ASMTL: variants seen among roughly 807,000 people sequenced by gnomAD.
ASMTL encodes the protein acetylserotonin O-methyltransferase like.
Under a neutral mutation model 60.3 loss-of-function variants are expected in ASMTL, and 57 were observed. The ratio of observed to expected loss-of-function variants is 0.95; its 90% confidence interval spans 0.76 to 1.18. The LOEUF (loss-of-function observed/expected upper bound fraction) is 1.18, where lower values mean the gene tolerates loss of function less well. Ranked by LOEUF, ASMTL falls within the 50% of genes most tolerant of loss-of-function variation. The pLI, the probability that ASMTL is intolerant of heterozygous loss-of-function variation, is 0.00. For synonymous variants in ASMTL, 419 were observed against 373.0 expected (o/e 1.12, Z -1.42); for missense variants, 981 against 852.6 (o/e 1.15, Z -1.88).
intron 1 of ASMTL, among the ~76,000 whole-genome samples, chrX:1,444,940 A>G (rs1206550362): frequency 6.6e-6 from 1 of 151,798 alleles, no homozygotes; most frequent in African/African-American, 2.4e-5. Flanking sequence ...TGCAACAGGT[A>G]TTTCGCTCCC....
intron 11 of ASMTL, among the ~76,000 whole-genome samples, chrX:1,416,666 GCA>G (rs770413325): frequency 7.3e-5 from 11 of 150,886 alleles, no homozygotes; most frequent in African/African-American, 2.4e-4. Flanking sequence ...ACAGAGAGTT[GCA>G]CACACACAAA....
chrX:1,416,954 A>G (rs1259177634), intron 11 of ASMTL, among the ~76,000 whole-genome samples: 2 of 151,986 alleles, frequency 1.3e-5, no homozygotes, highest in African/African-American at 2.4e-5. Flanking sequence ...ACACAGAGAC[A>G]TTCTGACGTA....
At chrX:1,419,237 G>T in intron 9 of ASMTL, 123 bp from the exon 10 acceptor site, 2 of 1,113,754 alleles carry the variant, frequency 1.8e-6, no homozygotes, top group Non-Finnish European at 2.6e-6. Context: ...CCGCGCCTGG[G>T]CTGCAGAGCG....
At chrX:1,428,646 C>CAAATAAATAAATAAATAAAT (rs1229272093) in intron 6 of ASMTL, among the ~76,000 whole-genome samples, 39,282 of 134,058 alleles carry the variant, frequency 0.29, 6,457 homozygotes, top group South Asian at 0.51. Flanking sequence ...GACTCCGTCT[C>CAAATAAATAAATAAATAAAT]AAATAAATAA....
At chrX:1,415,089 C>A (rs1429746552) in intron 11 of ASMTL, among the ~76,000 whole-genome samples, 1 of 151,926 alleles carries the variant, frequency 6.6e-6, no homozygotes, top group African/African-American at 2.4e-5. Context: ...TATAGGCACC[C>A]GCCACCATGC....
chrX:1,432,742 T>G lies in ASMTL; in HGVS notation c.401-365A>C, dbSNP rs1160160375. ...TACTCGGGAGGCTGAGGCAGGAGAA[T>G]CGCTTGAACCCGGGAGGTGCAGGTT... On this transcript the variant is annotated intron_variant, in intron 5 of 12. Coordinates refer to ENST00000381317, the MANE Select transcript of ASMTL (RefSeq NM_004192.4). Among the ~76,000 whole-genome samples, 7 of 151,996 alleles carry G rather than the reference T, an allele frequency of 4.6e-5. No individual in the cohort carries two copies. In the East Asian group the frequency reaches 9.7e-4, roughly 21 times the overall value.
upstream of ASMTL, chrX:1,453,509 A>AAGG (rs1367141898): frequency 6.4e-6 from 1 of 155,234 alleles, no homozygotes; most frequent in Non-Finnish European, 1.4e-5. Context: ...CCGGGGAGGA[A>AAGG]AGGCTGGCGT....
At chrX:1,431,254 T>C (rs2090775225) in intron 6 of ASMTL, among the ~76,000 whole-genome samples, 1 of 127,018 alleles carries the variant, frequency 7.9e-6, no homozygotes, top group Non-Finnish European at 1.6e-5. Flanking sequence ...TAATTATAAA[T>C]ATATGTAATT....
At chrX:1,418,851 A>C in intron 10 of ASMTL, 131 bp downstream of exon 10, 2 of 1,186,786 alleles carry the variant, frequency 1.7e-6, no homozygotes, top group Non-Finnish European at 1.2e-6. Flanking sequence ...TCTGGGACTC[A>C]GCCTGGCCCG....
chrX:1,452,932 T>A, upstream of ASMTL: 2 of 1,044,272 alleles, frequency 1.9e-6, no homozygotes, highest in Non-Finnish European at 2.7e-6. Context: ...GCGGCCAGAG[T>A]CCCGCCTCCG....
At chrX:1,415,911 C>A (rs1200894854) in intron 11 of ASMTL, among the ~76,000 whole-genome samples, 3 of 152,090 alleles carry the variant, frequency 2.0e-5, no homozygotes, top group African/African-American at 7.2e-5. Context: ...CAAAGGCACA[C>A]ATGCAAGCAC....
At chrX:1,414,095 GAGAC>G (rs1219607171) in intron 11 of ASMTL, 1 of 150,690 alleles carries the variant, frequency 6.6e-6, no homozygotes, top group African/African-American at 2.4e-5. Flanking sequence ...GTCCTTCTAA[GAGAC>G]AGAAGAGGAG....
rs1356263983 is a variant in ASMTL at position 1,403,260 on chromosome X, G to A, written c.*9C>T. 3 of 1,609,620 alleles carry A rather than the reference G, an allele frequency of 1.9e-6. No individual in the cohort carries two copies. Among genetic ancestry groups the A allele is most frequent in the Non-Finnish European group, 2.5e-6 (3 of 1,177,962 alleles). On this transcript the variant is annotated 3_prime_UTR_variant, in exon 13 of 13. Transcript: ENST00000381317. Reference sequence around the variant, plus strand: ...AGGACATCCCTATAATGAACATGCTGCCTGGGCTTCAGGGGGCCACTTTGG... The same window carrying A: ...AGGACATCCCTATAATGAACATGCTACCTGGGCTTCAGGGGGCCACTTTGG...
chrX:1,434,956 T>C, intron 5 of ASMTL, 66 bp downstream of exon 5: 1 of 1,571,060 alleles, frequency 6.4e-7, no homozygotes, highest in East Asian at 2.2e-5. Flanking sequence ...AAGCCAAGGG[T>C]CCCGAGAATG....
intron 2 of ASMTL, among the ~76,000 whole-genome samples, chrX:1,441,175 T>A (rs1157027495): frequency 1.3e-5 from 2 of 152,208 alleles, no homozygotes; most frequent in Non-Finnish European, 2.9e-5. Context: ...GATACTATTA[T>A]ATTAATTGCA....
chrX:1,413,987 T>G (rs117878445), intron 11 of ASMTL: 3,453 of 152,096 alleles, frequency 0.023, 145 homozygotes, highest in African/African-American at 0.078. Flanking sequence ...AACCTGGGAA[T>G]GGGACCTCAT....
chrX:1,433,112 T>A, intron 5 of ASMTL, among the ~76,000 whole-genome samples: 1 of 151,268 alleles, frequency 6.6e-6, no homozygotes. Context: ...AAATAAATAA[T>A]AAAAGAAACA....
At chrX:1,429,659 T>A (rs1166915080) in intron 6 of ASMTL, among the ~76,000 whole-genome samples, 1 of 151,784 alleles carries the variant, frequency 6.6e-6, no homozygotes, top group Non-Finnish European at 1.5e-5. Context: ...TCGCCAGGCG[T>A]GGCGGTGGGT....
At chrX:1,418,811 C>T (rs1310606032) in intron 10 of ASMTL, 171 bp downstream of exon 10, 3 of 350,634 alleles carry the variant, frequency 8.6e-6, no homozygotes, top group South Asian at 1.2e-4. Context: ...CCCCGGGGTC[C>T]TCCTGGAACT....
Sources: gnomAD v4.1 joint callset for allele counts (sites outside exome capture counted in the v4.1 genomes callset) on GRCh38, gnomAD v4.1.1 for gene constraint, MANE v1.5 for transcripts, NCBI Gene and HGNC (gene_info 2026-07-23, HGNC 2026-07-21) for gene names.